The following UGGT2 variants were observed in gnomAD, a reference collection of about 807,000 sequenced individuals.
The protein encoded by UGGT2 is UDP-glucose:glycoprotein glucosyltransferase 2.
Under a neutral mutation model 192.1 loss-of-function variants are expected in UGGT2, and 180 were observed. The ratio of observed to expected loss-of-function variants is 0.94; its 90% CI spans 0.83 to 1.06. The LOEUF is 1.06. Among genes scored for constraint, UGGT2 ranks in the 50% least tolerant of loss-of-function variants. UGGT2 has a pLI of 0.00. For missense variants in UGGT2, 1,849 were observed against 1,795.7 expected (o/e 1.03, Z -0.54); for synonymous variants, 580 against 591.0 (o/e 0.98, Z 0.27).
intron 3 of UGGT2, 43 bp from the exon 4 acceptor site, chr13:96,023,195 T>C (rs752349187): frequency 6.8e-7 from 1 of 1,479,404 alleles, no homozygotes; most frequent in Non-Finnish European, 9.1e-7. Context: ...AGTTGATAAT[T>C]ACAATATGAT....
At chr13:95,950,595 G>GAAAAAAAA (rs11452928) in intron 12 of UGGT2, among the ~76,000 whole-genome samples, 1 of 130,988 alleles carries the variant, frequency 7.6e-6, no homozygotes, top group Non-Finnish European at 1.6e-5. Flanking sequence ...AATGAAACAG[G>GAAAAAAAA]AAAAAAAAAA....
intron 34 of UGGT2, among the ~76,000 whole-genome samples, chr13:95,855,870 T>C (rs550298459): frequency 6.6e-6 from 1 of 152,336 alleles, no homozygotes; most frequent in Admixed American, 6.5e-5. Context: ...ACTACTCTTA[T>C]TATGACTAAT....
At chr13:95,842,196 C>T (rs546307225) in intron 36 of UGGT2, among the ~76,000 whole-genome samples, 2 of 152,188 alleles carry the variant, frequency 1.3e-5, no homozygotes, top group Non-Finnish European at 2.9e-5. Flanking sequence ...TATCCTTCCT[C>T]TATGCACCCA....
At chr13:95,836,395 A>G (rs938658476) in intron 37 of UGGT2, among the ~76,000 whole-genome samples, 2 of 152,188 alleles carry the variant, frequency 1.3e-5, no homozygotes, top group Non-Finnish European at 2.9e-5. Context: ...AAGAGTTAAT[A>G]CAGAAAGCCT....
At chr13:95,832,894 T>C (rs1412229296) in intron 38 of UGGT2, 33 bp downstream of exon 38, 1 of 1,607,836 alleles carries the variant, frequency 6.2e-7, no homozygotes, top group African/African-American at 1.3e-5. Context: ...ATGCAACGCA[T>C]GTTTCAGACA....
intron 1 of UGGT2, among the ~76,000 whole-genome samples, chr13:96,049,976 CTACTT>C (rs1227300421): frequency 6.6e-6 from 1 of 152,126 alleles, no homozygotes; most frequent in Non-Finnish European, 1.5e-5. Flanking sequence ...TTGGAAAAAA[CTACTT>C]TAAAGTTCAT....
intron 29 of UGGT2, among the ~76,000 whole-genome samples, chr13:95,871,797 C>T (rs1891246087): frequency 6.6e-6 from 1 of 152,226 alleles, no homozygotes; most frequent in Middle Eastern, 3.4e-3. Flanking sequence ...ATGAGGAGAC[C>T]ACACCAACAT....
intron 4 of UGGT2, among the ~76,000 whole-genome samples, chr13:96,019,089 GA>G (rs965786176): frequency 8.6e-5 from 7 of 81,842 alleles, no homozygotes; most frequent in South Asian, 4.3e-4. Flanking sequence ...TTCACAAAAG[GA>G]AAAAAAAAAT....
At chr13:96,050,003 A>G (rs2053437280) in intron 1 of UGGT2, among the ~76,000 whole-genome samples, 1 of 152,206 alleles carries the variant, frequency 6.6e-6, no homozygotes, top group African/African-American at 2.4e-5. Context: ...TGGATACAAA[A>G]GAGAGCTCGC....
At chr13:95,874,898 C>G (rs1487785370) in intron 29 of UGGT2, among the ~76,000 whole-genome samples, 3 of 152,016 alleles carry the variant, frequency 2.0e-5, no homozygotes, top group Non-Finnish European at 4.4e-5. Flanking sequence ...GCTATATTGC[C>G]CAGGCTGGTC....
At chr13:96,008,706 A>G (rs1162023553) in intron 5 of UGGT2, among the ~76,000 whole-genome samples, 1 of 152,242 alleles carries the variant, frequency 6.6e-6, no homozygotes, top group Admixed American at 6.5e-5. Flanking sequence ...TATTAATACA[A>G]AACACTGCTC....
At chr13:96,003,373 C>T (rs7338224) in intron 5 of UGGT2, among the ~76,000 whole-genome samples, 60,438 of 152,020 alleles carry the variant, frequency 0.4, 12,237 homozygotes, top group Middle Eastern at 0.45. Context: ...GCCCAAATTA[C>T]AGGCATTTGT....
intron 1 of UGGT2, among the ~76,000 whole-genome samples, chr13:96,033,348 G>A (rs1046949712): frequency 3.3e-5 from 5 of 152,200 alleles, no homozygotes; most frequent in African/African-American, 1.2e-4. Context: ...GGAGCTGGTG[G>A]GAGCAAGGAA....
In UGGT2 at chr13:95,940,070, C is replaced by T. The variant is rs1210658535; in HGVS notation, c.1699G>A (p.Asp567Asn). 2 of 1,529,756 alleles carry T rather than the reference C, an allele frequency of 1.3e-6. No individual in the cohort carries two copies. Among genetic ancestry groups the T allele is most frequent in the South Asian group, 2.5e-5 (2 of 78,746 alleles). 94.8% of individuals were successfully genotyped at this position (1,529,756 alleles called of 1,614,324 possible). A position where few individuals can be genotyped will look rare whatever the true frequency, so the allele number is the denominator to read the frequency against. The change falls in exon 16 of 39, where the codon GAT (aspartate) becomes AAT (asparagine). Residue 567 changes from aspartate (D) to asparagine (N), a missense_variant. Transcript: ENST00000376747. ...TTGTCCACAGTGAGTATATTTTGAT[C>T]CTTCTTCACTTTTTGGTACATCTGT... ...IVHMYQKVKKDQNILTVDNVK... is the reference protein window; with the variant it reads ...IVHMYQKVKKNQNILTVDNVK...
intron 2 of UGGT2, among the ~76,000 whole-genome samples, chr13:96,026,108 T>C (rs2052656135): frequency 6.6e-6 from 1 of 151,942 alleles, no homozygotes; most frequent in Non-Finnish European, 1.5e-5. Flanking sequence ...AATAATGAAC[T>C]TACATACCTA....
rs527433326 is a variant in UGGT2 at position 95,882,766 on chromosome 13, G to A, written c.3228+1725C>T. Among the ~76,000 whole-genome samples the A allele has an allele frequency of 5.3e-5, 8 of 152,316 alleles. No homozygotes were observed. The South Asian group carries it at 8.3e-4, about 16-fold the overall frequency. On this transcript the variant is annotated intron_variant, in intron 27 of 38. Coordinates refer to ENST00000376747, the MANE Select transcript of UGGT2 (RefSeq NM_020121.4). ...AAGTTTTAGTTAATCTCCATCAGCT[G>A]TTGAATAGCTGCTGAAATTTTCACC...
chr13:95,814,579 G>C (rs1395374024), intron 38 of UGGT2, among the ~76,000 whole-genome samples: 2 of 152,110 alleles, frequency 1.3e-5, no homozygotes, highest in African/African-American at 4.8e-5. Context: ...CATAGGCGAA[G>C]GGATTTGCCT....
chr13:95,811,287 A>G (rs1884569464), intron 38 of UGGT2, among the ~76,000 whole-genome samples: 1 of 152,226 alleles, frequency 6.6e-6, no homozygotes, highest in South Asian at 2.1e-4. Context: ...TATCCACTTA[A>G]AACCTGTATA....
At chr13:95,988,723 AT>A (rs1217144814) in intron 8 of UGGT2, among the ~76,000 whole-genome samples, 1 of 152,244 alleles carries the variant, frequency 6.6e-6, no homozygotes, top group East Asian at 1.9e-4. Flanking sequence ...AACTTAATAG[AT>A]TGTGTCTTGC....
Sources: allele counts gnomAD v4.1 joint callset (sites outside exome capture counted in the v4.1 genomes callset), GRCh38; gene constraint gnomAD v4.1.1; transcripts MANE v1.5; gene names NCBI Gene and HGNC (gene_info 2026-07-23, HGNC 2026-07-21).